The following LRRFIP1 variants were observed in gnomAD, a reference collection of about 807,000 sequenced individuals.
LRRFIP1 encodes leucine-rich repeat flightless-interacting protein 1.
In LRRFIP1, 62 loss-of-function variants were observed where a neutral mutation model predicts 104.4. The observed-to-expected ratio is 0.59, with a 90% CI of 0.48 to 0.73. LRRFIP1 has a LOEUF of 0.73. Among genes scored for constraint, LRRFIP1 ranks in the 30% least tolerant of loss-of-function variants. The pLI is 0.00. For missense variants in LRRFIP1, 796 were observed against 824.5 expected (o/e 0.97, Z 0.42); for synonymous variants, 300 against 299.0 (o/e 1.00, Z -0.03).
intron 1 of LRRFIP1, among the ~76,000 whole-genome samples, chr2:237,679,657 A>T (rs988243135): frequency 1.3e-5 from 2 of 152,142 alleles, no homozygotes; most frequent in African/African-American, 4.8e-5. Flanking sequence ...TGCCCAGGCT[A>T]GAGTGCAATG....
At position 237,766,216 on chromosome 2, in the gene LRRFIP1, G is replaced by A. The variant is rs185944654; in HGVS notation, c.1460-3727G>A. ...TTCACCTGTGGCTGTGCTTACCTGC[G>A]CCACTACTTACAGTGTTTTGAAGAG... is the stretch of plus-strand genomic sequence containing the variant. On this transcript the variant is annotated intron_variant, in intron 19 of 23. Transcript: ENST00000308482. This position sits in a 1 kb window ranked among gnomAD's most constrained non-coding sequence, Gnocchi z 4.8. 7.0e-4 allele frequency among the ~76,000 whole-genome samples: 107 copies of A among 152,270 alleles called. 1 individual carries two copies. The East Asian group carries it at 0.012, about 17-fold the overall frequency.
chr2:237,638,098 G>T (rs1294872503), intron 1 of LRRFIP1, among the ~76,000 whole-genome samples: 2 of 152,104 alleles, frequency 1.3e-5, no homozygotes, highest in Non-Finnish European at 2.9e-5. Flanking sequence ...CATTTATTGT[G>T]CACTTTGTTT....
At chr2:237,779,242 C>A in intron 23 of LRRFIP1, 180 bp from the exon 24 acceptor site, 2 of 599,840 alleles carry the variant, frequency 3.3e-6, no homozygotes, top group Non-Finnish European at 4.2e-6. Context: ...CCATCAGGAT[C>A]CCCAAGGGTG....
chr2:237,776,657 T>G (rs1335172133), intron 23 of LRRFIP1, among the ~76,000 whole-genome samples: 1 of 152,244 alleles, frequency 6.6e-6, no homozygotes, highest in African/African-American at 2.4e-5. Flanking sequence ...CACTTTGTAG[T>G]GACCCTTTTG....
chr2:237,669,855 C>A (rs1408984878), intron 1 of LRRFIP1, among the ~76,000 whole-genome samples: 2 of 152,184 alleles, frequency 1.3e-5, no homozygotes, highest in African/African-American at 2.4e-5. Flanking sequence ...GACCGGTCTC[C>A]ATTTCCGCCC....
At chr2:237,775,893 T>C (rs868308337) in intron 23 of LRRFIP1, among the ~76,000 whole-genome samples, 2 of 152,204 alleles carry the variant, frequency 1.3e-5, no homozygotes, top group South Asian at 2.1e-4. Context: ...GGAAAGGGAC[T>C]GTGGAGGAGA....
intron 1 of LRRFIP1, among the ~76,000 whole-genome samples, chr2:237,666,779 G>GTCTCTTTC (rs1553627276): frequency 6.9e-6 from 1 of 144,772 alleles, no homozygotes. Flanking sequence ...CTTTCTCTCT[G>GTCTCTTTC]TCTCTTTCTT....
intron 1 of LRRFIP1, among the ~76,000 whole-genome samples, chr2:237,681,691 T>TTTTTTTTTTTTTTC (rs2091848258): frequency 1.4e-5 from 1 of 69,264 alleles, no homozygotes; most frequent in Non-Finnish European, 3.2e-5. Context: ...TTTTTTTTTT[T>TTTTTTTTTTTTTTC]TTTTTTGAGA....
In LRRFIP1 at chr2:237,756,184, C is replaced by T. The variant is rs746496915; in HGVS notation, c.1128C>T (p.Leu376=). The T allele has an allele frequency of 1.2e-5, 19 of 1,610,912 alleles. No homozygotes were observed. Among genetic ancestry groups the T allele is most frequent in the African/African-American group, 9.4e-5 (7 of 74,846 alleles). Residue 376 remains leucine, a synonymous_variant, in exon 16 of 24, where the codon CTC becomes CTT. Transcript: ENST00000308482. ...KEALKQREEM[L]EEIRQLQQKQ... ...CCCTGAAGCAAAGAGAGGAAATGCT[C>T]GAGGTAGGTAGCATTCTCCTGCTTT...
chr2:237,657,555 C>G (rs2087040422), intron 1 of LRRFIP1, among the ~76,000 whole-genome samples: 1 of 152,156 alleles, frequency 6.6e-6, no homozygotes, highest in South Asian at 2.1e-4. Context: ...CTCAATTTCT[C>G]CGTGGCAACA....
intron 19 of LRRFIP1, chr2:237,765,872 G>A (rs898848934): frequency 9.1e-5 from 89 of 983,360 alleles, no homozygotes; most frequent in Admixed American, 1.8e-4. Context: ...TGAGGAAAAC[G>A]TGTTATTATG....
intron 1 of LRRFIP1, among the ~76,000 whole-genome samples, chr2:237,704,608 T>C (rs2093711659): frequency 6.6e-6 from 1 of 152,208 alleles, no homozygotes; most frequent in Admixed American, 6.5e-5. Context: ...GTTAGGCAGA[T>C]TCCAAGAATT....
intron 23 of LRRFIP1, among the ~76,000 whole-genome samples, chr2:237,777,117 C>T (rs2061157612): frequency 6.6e-6 from 1 of 152,182 alleles, no homozygotes; most frequent in Non-Finnish European, 1.5e-5. Context: ...GCTTCACCCT[C>T]CTGCCTGGCA....
chr2:237,703,075 G>A lies in LRRFIP1; in HGVS notation c.97-5469G>A, dbSNP rs974995022. On this transcript the variant is annotated intron_variant, in intron 1 of 23. Transcript: ENST00000308482. The surrounding 1 kb of genome is among the most constrained non-coding windows in gnomAD (Gnocchi z 4.3). ...GCTCCTGTAGGGTGGGGACAGACCA[G>A]CCCCCATGAACCCTAGCGAGGGCCA... Among the ~76,000 whole-genome samples, 1 of 152,150 alleles carries A rather than the reference G, an allele frequency of 6.6e-6. No individual in the cohort carries two copies. The highest frequency in any genetic ancestry group is 1.5e-5 in the Non-Finnish European group (1 of 68,022).
intron 1 of LRRFIP1, among the ~76,000 whole-genome samples, chr2:237,692,701 A>C (rs2092898823): frequency 6.6e-6 from 1 of 151,906 alleles, no homozygotes; most frequent in African/African-American, 2.4e-5. Flanking sequence ...TGGCCCGGCG[A>C]GCGGCGTCCC....
At chr2:237,628,142 T>TGGAGGCAGTGGACGGTCGCC (rs1334059280) in intron 1 of LRRFIP1, among the ~76,000 whole-genome samples, 25 of 152,206 alleles carry the variant, frequency 1.6e-4, no homozygotes, top group African/African-American at 6.0e-4. Flanking sequence ...AGGCCCGACC[T>TGGAGGCAGTGGACGGTCGCC]GGAGGCAGTG....
intron 1 of LRRFIP1, among the ~76,000 whole-genome samples, chr2:237,640,185 G>A (rs1326575694): frequency 6.6e-6 from 1 of 152,196 alleles, no homozygotes. Flanking sequence ...CACATACCCT[G>A]GAAGCTGAGA....
chr2:237,667,086 G>A lies in LRRFIP1; in HGVS notation c.96+39346G>A, dbSNP rs58366344. On this transcript the variant is annotated intron_variant, in intron 1 of 23. Coordinates refer to ENST00000308482, the MANE Select transcript of LRRFIP1 (RefSeq NM_001137550.2). ...GCAGGTTTGTTACATAGGTCTACAC[G>A]TGCCACGGTGGTTTGCTGCACCTGT... is the stretch of plus-strand genomic sequence containing the variant. Among the ~76,000 whole-genome samples, 783 of 151,566 alleles carry A rather than the reference G, an allele frequency of 5.2e-3. 6 individuals carry two copies. The highest frequency in any genetic ancestry group is 0.018 in the African/African-American group (728 of 41,236).
intron 1 of LRRFIP1, among the ~76,000 whole-genome samples, chr2:237,700,780 C>T (rs993201517): frequency 2.0e-5 from 3 of 152,172 alleles, no homozygotes; most frequent in Admixed American, 6.5e-5. Context: ...GAGCTGTATG[C>T]CCTGGGTCTC....
Sources: gnomAD v4.1 joint callset for allele counts (sites outside exome capture counted in the v4.1 genomes callset) on GRCh38, gnomAD v4.1.1 for gene constraint, Gnocchi (gnomAD v3.1) non-coding constraint, MANE v1.5 for transcripts, NCBI Gene and HGNC (gene_info 2026-07-23, HGNC 2026-07-21) for gene names.